The following AP4E1 variants were observed in gnomAD, a reference collection of about 807,000 sequenced individuals.
AP4E1 encodes adaptor related protein complex 4 subunit epsilon 1, also known as AP-4 complex subunit epsilon-1.
In AP4E1, 56 loss-of-function variants were observed where a neutral mutation model predicts 128.2. The ratio of observed to expected loss-of-function variants is 0.44; its 90% confidence interval spans 0.35 to 0.55. The LOEUF is 0.55. Among genes scored for constraint, AP4E1 ranks in the 20% least tolerant of loss-of-function variants. AP4E1 has a pLI of 0.00. For synonymous variants in AP4E1, 484 were observed against 473.1 expected (o/e 1.02, Z -0.30); for missense variants, 1,324 against 1,307.7 (o/e 1.01, Z -0.19).
At chr15:50,966,398 C>T (rs967748459) in intron 14 of AP4E1, among the ~76,000 whole-genome samples, 6 of 152,060 alleles carry the variant, frequency 3.9e-5, no homozygotes, top group Non-Finnish European at 7.4e-5. Context: ...ATTTGGTGGG[C>T]ATTCCAGAGA....
intron 15 of AP4E1, among the ~76,000 whole-genome samples, chr15:50,970,116 GTATCCTC>G (rs1450536684): frequency 3.3e-5 from 5 of 151,910 alleles, no homozygotes; most frequent in Non-Finnish European, 7.4e-5. Flanking sequence ...CTAGCGCCTA[GTATCCTC>G]TATTCTAATT....
intron 13 of AP4E1, among the ~76,000 whole-genome samples, chr15:50,952,210 T>C (rs889148398): frequency 6.6e-6 from 1 of 152,054 alleles, no homozygotes; most frequent in Non-Finnish European, 1.5e-5. Context: ...ACTGTTGTCA[T>C]ACCCAAGAGG....
At chr15:50,908,487 G>C (rs1280028627), upstream of AP4E1, 2 of 329,536 alleles carry the variant, frequency 6.1e-6, no homozygotes, top group Non-Finnish European at 1.1e-5. Flanking sequence ...GCTTCCTCAG[G>C]AGGACTCACG....
chr15:50,941,255 T>C (rs543099431), intron 8 of AP4E1, among the ~76,000 whole-genome samples, 187 bp from the exon 9 acceptor site: 7 of 152,320 alleles, frequency 4.6e-5, no homozygotes, highest in African/African-American at 1.7e-4. Flanking sequence ...AACATTGTAT[T>C]GTGGTAACCT....
At chr15:50,934,497 T>G (rs1290734020) in intron 7 of AP4E1, 127 bp from the exon 8 acceptor site, 3 of 667,804 alleles carry the variant, frequency 4.5e-6, no homozygotes, top group Non-Finnish European at 5.3e-6. Flanking sequence ...TTTCCATAAC[T>G]TCATCATAAA....
rs2291108 is a variant in AP4E1 at position 50,941,619 on chromosome 15, T to A, written c.1067-47T>A. 7.4e-4 allele frequency: 1,194 copies of A among 1,611,742 alleles called. No homozygotes were observed. The East Asian group carries it at 0.01, about 14-fold the overall frequency. ...TACAGAGATAGCTTTTGAAATTTGCTGTGTATTTGTTTCAATTCACTTTGT... is the reference window on the plus strand; with the variant it reads ...TACAGAGATAGCTTTTGAAATTTGCAGTGTATTTGTTTCAATTCACTTTGT... On this transcript the variant is annotated intron_variant, in intron 9 of 20. Transcript: ENST00000261842.
chr15:50,928,538 T>C (rs2063794077), intron 5 of AP4E1, among the ~76,000 whole-genome samples: 1 of 152,150 alleles, frequency 6.6e-6, no homozygotes, highest in South Asian at 2.1e-4. Flanking sequence ...TCCACCCACC[T>C]CAGCCTCCCA....
chr15:50,966,489 A>G (rs1318919450), intron 14 of AP4E1, among the ~76,000 whole-genome samples: 1 of 152,096 alleles, frequency 6.6e-6, no homozygotes, highest in Non-Finnish European at 1.5e-5. Flanking sequence ...CCTCCAATAA[A>G]AAATAATGAT....
chr15:50,950,585 T>G (rs11070822), intron 13 of AP4E1, among the ~76,000 whole-genome samples: 29,482 of 152,178 alleles, frequency 0.19, 3,669 homozygotes, highest in East Asian at 0.45. Context: ...GTACTTACAT[T>G]ATTAACTTCT....
Position 50,908,841 on chromosome 15 carries a change from C to T in AP4E1, c.63C>T (p.Pro21=), listed in dbSNP as rs750190505. 6 of 1,608,184 alleles carry T rather than the reference C, an allele frequency of 3.7e-6. No homozygotes were observed. The African/African-American group carries it at 4.0e-5, about 11-fold the overall frequency. Residue 21 remains proline, a synonymous_variant, in exon 1 of 21, where the codon CCC becomes CCT. Transcript: ENST00000261842. ...CGGGACTCTTTCTGCAGAACCAGCC[C>T]GGTGGTGGGCCCGCGGCCGCCAAGG... is the stretch of plus-strand genomic sequence containing the variant. ...ALPGLFLQNQ[P]GGGPAAAKAS...
At chr15:50,953,899 C>G (rs762345557) in intron 13 of AP4E1, among the ~76,000 whole-genome samples, 9 of 152,058 alleles carry the variant, frequency 5.9e-5, no homozygotes, top group Non-Finnish European at 7.4e-5. Flanking sequence ...GGTCGCAGTG[C>G]GTGATGAGAT....
At chr15:50,947,406 A>T (rs2140856450) in intron 10 of AP4E1, among the ~76,000 whole-genome samples, 1 of 134,842 alleles carries the variant, frequency 7.4e-6, no homozygotes, top group East Asian at 2.3e-4. Flanking sequence ...ACAGAGCAAG[A>T]CCCTGTCTCA....
intron 1 of AP4E1, among the ~76,000 whole-genome samples, 166 bp downstream of exon 1, chr15:50,909,094 T>A (rs2063533130): frequency 6.6e-6 from 1 of 152,232 alleles, no homozygotes; most frequent in Non-Finnish European, 1.5e-5. Flanking sequence ...AGCTTCACTT[T>A]CCTGCTGGGA....
chr15:50,916,443 A>C (rs2063632304), intron 3 of AP4E1, among the ~76,000 whole-genome samples: 1 of 152,254 alleles, frequency 6.6e-6, no homozygotes, highest in Admixed American at 6.5e-5. Flanking sequence ...TTAAGCAATT[A>C]AATATTCTAT....
chr15:50,915,741 A>T, intron 3 of AP4E1, 170 bp downstream of exon 3: 1 of 785,320 alleles, frequency 1.3e-6, no homozygotes, highest in Non-Finnish European at 2.0e-6. Context: ...ATAGGAAATC[A>T]GTTTTCCTGA....
Position 51,001,118 on chromosome 15 carries a change from C to G in AP4E1, c.3188C>G (p.Ala1063Gly). The G allele has an allele frequency of 6.2e-7, 1 of 1,613,598 alleles. No homozygotes were observed. The highest frequency in any genetic ancestry group is 8.5e-7 in the Non-Finnish European group (1 of 1,179,652). Residue 1063 changes from alanine to glycine, a missense_variant, in exon 20 of 21, where the codon GCT (alanine) becomes GGT (glycine). Physicochemically the swap from Ala to Gly is moderately conservative, Grantham distance 60. Transcript: ENST00000261842. ...KQNVKMSESQAALPSALKTLQ... is the reference protein window; with the variant it reads ...KQNVKMSESQGALPSALKTLQ... ...AATGTAAAAATGTCAGAATCTCAAGCTGCACTTCCTTCTGCACTAAAGACT... is the reference window on the plus strand; with the variant it reads ...AATGTAAAAATGTCAGAATCTCAAGGTGCACTTCCTTCTGCACTAAAGACT...
chr15:50,947,971 G>A, intron 10 of AP4E1, 49 bp from the exon 11 acceptor site: 1 of 1,394,902 alleles, frequency 7.2e-7, no homozygotes. Flanking sequence ...ACTCATTGGT[G>A]TTATGCATAG....
chr15:50,927,367 A>G (rs548414957), intron 5 of AP4E1, among the ~76,000 whole-genome samples: 9 of 152,344 alleles, frequency 5.9e-5, no homozygotes, highest in African/African-American at 1.9e-4. Context: ...TAGATGTCAC[A>G]AAGAATATTT....
At position 50,958,539 on chromosome 15, in the gene AP4E1, A is replaced by G; in HGVS notation, c.1596A>G (p.Glu532=). The change falls in exon 14 of 21, where the codon GAA becomes GAG. Residue 532 remains glutamate (E), a synonymous_variant. Transcript: ENST00000261842. ...SYLLDKETPE[E]VIAKLYKLLM... ...TCTTAGATAAGGAAACGCCAGAGGAAGTTATAGCTAAGCTCTACAAGTTAC... is the reference window on the plus strand; with the variant it reads ...TCTTAGATAAGGAAACGCCAGAGGAGGTTATAGCTAAGCTCTACAAGTTAC... 1.9e-6 allele frequency: 3 copies of G among 1,613,888 alleles called. No individual in the cohort carries two copies. The highest frequency in any genetic ancestry group is 2.5e-6 in the Non-Finnish European group (3 of 1,179,922).
Sources: gnomAD v4.1 joint callset for allele counts (sites outside exome capture counted in the v4.1 genomes callset) on GRCh38, gnomAD v4.1.1 for gene constraint, MANE v1.5 for transcripts, NCBI Gene and HGNC (gene_info 2026-07-23, HGNC 2026-07-21) for gene names.